SHISA9: variants seen among roughly 807,000 people sequenced by gnomAD.
SHISA9 encodes the protein shisa family member 9.
SHISA9 carries 13 observed loss-of-function variants against 38.0 expected under a neutral mutation model. The observed-to-expected ratio is 0.34, with a 90% CI of 0.22 to 0.54. The LOEUF (loss-of-function observed/expected upper bound fraction) is 0.54. Ranked by LOEUF, SHISA9 falls within the 20% of genes least tolerant of loss-of-function variation. The pLI, the probability that SHISA9 is intolerant of heterozygous loss-of-function variation, is 0.91. For missense variants in SHISA9, 538 were observed against 575.8 expected (o/e 0.93, Z 0.67); for synonymous variants, 275 against 242.0 (o/e 1.14, Z -1.27).
the SHISA9 span, among the ~76,000 whole-genome samples, chr16:13,517,437 G>C: frequency 6.6e-3 from 1,000 of 152,310 alleles, 7 homozygotes; most frequent in Middle Eastern, 0.041. Flanking sequence ...ATTATAACCA[G>C]GTTTCAAAGA....
chr16:13,544,676 C>T, the SHISA9 span, among the ~76,000 whole-genome samples: 1 of 152,070 alleles, frequency 6.6e-6, no homozygotes, highest in Non-Finnish European at 1.5e-5. Context: ...GGTGCAGTGT[C>T]TCACACCTGT....
chr16:13,108,124 C>A (rs1251062103), intron 2 of SHISA9, among the ~76,000 whole-genome samples: 2 of 150,976 alleles, frequency 1.3e-5, no homozygotes, highest in Non-Finnish European at 3.0e-5. Flanking sequence ...AAGAGAGCCC[C>A]CCTCCGGCCC....
the SHISA9 span, among the ~76,000 whole-genome samples, chr16:13,518,086 T>A: frequency 2.0e-5 from 3 of 152,106 alleles, no homozygotes; most frequent in African/African-American, 7.2e-5. Flanking sequence ...CTGTGATATG[T>A]CTCTCCCTGC....
intron 2 of SHISA9, among the ~76,000 whole-genome samples, chr16:12,982,724 A>T (rs1484262637): frequency 2.0e-5 from 3 of 152,206 alleles, no homozygotes; most frequent in Non-Finnish European, 4.4e-5. Flanking sequence ...CAGCCACAGC[A>T]TGGTGATGGT....
chr16:13,005,096 T>A (rs55878456), intron 2 of SHISA9, among the ~76,000 whole-genome samples: 18,312 of 151,902 alleles, frequency 0.12, 1,761 homozygotes, highest in African/African-American at 0.27. Context: ...TTAAGACCCT[T>A]GGAGAGGAGG....
At chr16:13,040,354 T>G (rs1351095016) in intron 2 of SHISA9, among the ~76,000 whole-genome samples, 3 of 152,232 alleles carry the variant, frequency 2.0e-5, no homozygotes, top group Admixed American at 1.3e-4. Flanking sequence ...TTGCACTGGC[T>G]GTTACCACTG....
chr16:13,204,893 C>A (rs577835130), intron 3 of SHISA9: 1 of 152,330 alleles, frequency 6.6e-6, no homozygotes, highest in South Asian at 2.1e-4. Context: ...TGTCCTGGTT[C>A]CTTCAGTTCA....
the SHISA9 span, among the ~76,000 whole-genome samples, chr16:13,446,428 T>C: frequency 6.6e-6 from 1 of 152,176 alleles, no homozygotes; most frequent in African/African-American, 2.4e-5. Context: ...AAGTCACTTG[T>C]AGTCTATAAG....
chr16:13,352,672 C>T, the SHISA9 span, among the ~76,000 whole-genome samples: 24 of 54,872 alleles, frequency 4.4e-4, no homozygotes, highest in African/African-American at 1.3e-3. Context: ...GGGCTGAGTC[C>T]GGAAAGAGAG....
At chr16:12,979,935 T>C (rs761131930) in intron 2 of SHISA9, among the ~76,000 whole-genome samples, 3 of 152,230 alleles carry the variant, frequency 2.0e-5, no homozygotes, top group Non-Finnish European at 4.4e-5. Flanking sequence ...CAAACTTTAA[T>C]GTGCATTCAA....
chr16:13,423,272 C>T, the SHISA9 span, among the ~76,000 whole-genome samples: 2 of 152,292 alleles, frequency 1.3e-5, no homozygotes, highest in Non-Finnish European at 2.9e-5. Context: ...GTAGAGAAAC[C>T]ACCAGCCTCT....
At chr16:12,957,200 G>A (rs1435367298) in intron 2 of SHISA9, among the ~76,000 whole-genome samples, 2 of 152,130 alleles carry the variant, frequency 1.3e-5, no homozygotes, top group Non-Finnish European at 2.9e-5. Context: ...TTCTTCTCTA[G>A]CAATGTCTTT....
At chr16:13,006,685 C>T (rs2072601984) in intron 2 of SHISA9, among the ~76,000 whole-genome samples, 1 of 152,186 alleles carries the variant, frequency 6.6e-6, no homozygotes, top group African/African-American at 2.4e-5. Context: ...ATTGTGACAA[C>T]AAGACTGTGA....
chr16:13,275,552 T>C, the SHISA9 span, among the ~76,000 whole-genome samples: 1 of 152,102 alleles, frequency 6.6e-6, no homozygotes, highest in East Asian at 1.9e-4. Flanking sequence ...GTAATTTTGA[T>C]TTCAGAATGT....
At chr16:12,946,045 T>C (rs1468172070) in intron 2 of SHISA9, among the ~76,000 whole-genome samples, 3 of 151,926 alleles carry the variant, frequency 2.0e-5, no homozygotes, top group Non-Finnish European at 4.4e-5. Context: ...GAGGGGGAGG[T>C]TGTTACATGA....
At chr16:13,257,765 T>C in the SHISA9 span, among the ~76,000 whole-genome samples, 3 of 152,232 alleles carry the variant, frequency 2.0e-5, no homozygotes, top group South Asian at 2.1e-4. Flanking sequence ...GCTCCCTCTC[T>C]TCTTAATATT....
intron 1 of SHISA9, among the ~76,000 whole-genome samples, chr16:12,913,726 C>G (rs534080694): frequency 6.6e-6 from 1 of 152,284 alleles, no homozygotes; most frequent in South Asian, 2.1e-4. Flanking sequence ...TATGGATTTG[C>G]CTGTTCTGGA....
intron 2 of SHISA9, among the ~76,000 whole-genome samples, chr16:13,186,251 G>C (rs1453635068): frequency 3.4e-5 from 5 of 145,264 alleles, no homozygotes; most frequent in Non-Finnish European, 6.0e-5. Flanking sequence ...GTGTGAAATT[G>C]TGGGGAAAAA....
the SHISA9 span, among the ~76,000 whole-genome samples, chr16:13,372,191 C>A: frequency 6.6e-6 from 1 of 152,190 alleles, no homozygotes; most frequent in Admixed American, 6.5e-5. Context: ...ATCCCCCAAT[C>A]AGACTTTGAA....
Sources: gnomAD v4.1 joint callset for allele counts (sites outside exome capture counted in the v4.1 genomes callset) on GRCh38, gnomAD v4.1.1 for gene constraint, MANE v1.5 for transcripts, NCBI Gene and HGNC (gene_info 2026-07-23, HGNC 2026-07-21) for gene names.